The following TMEM178B variants were observed in gnomAD, a reference collection of about 807,000 sequenced individuals.
TMEM178B encodes transmembrane protein 178B.
TMEM178B carries 5 observed loss-of-function variants against 31.0 expected under a neutral mutation model. The ratio of observed to expected loss-of-function variants is 0.16; its 90% CI spans 0.08 to 0.34. The LOEUF (loss-of-function observed/expected upper bound fraction) is 0.34. Ranked by LOEUF, TMEM178B falls within the 10% of genes least tolerant of loss-of-function variation. The probability of loss-of-function intolerance (pLI) is 1.00; values close to 1 mark genes in which losing one functional copy is unlikely to be tolerated. For synonymous variants in TMEM178B, 164 were observed against 164.0 expected (o/e 1.00, Z 0.00); for missense variants, 275 against 400.3 (o/e 0.69, Z 2.67).
At chr7:141,209,463 G>A (rs187522160) in intron 1 of TMEM178B, among the ~76,000 whole-genome samples, 18 of 152,270 alleles carry the variant, frequency 1.2e-4, no homozygotes, top group Non-Finnish European at 1.8e-4. Context: ...TAATAAAAGC[G>A]GTTGGATTCT....
At chr7:141,391,439 C>T (rs994036704) in intron 2 of TMEM178B, among the ~76,000 whole-genome samples, 7 of 152,158 alleles carry the variant, frequency 4.6e-5, no homozygotes, top group Non-Finnish European at 2.9e-5. Context: ...GGATTACAGG[C>T]GTGAGCCACC....
chr7:141,228,514 C>T (rs1181674829), intron 2 of TMEM178B, among the ~76,000 whole-genome samples: 2 of 152,052 alleles, frequency 1.3e-5, no homozygotes, highest in Non-Finnish European at 1.5e-5. Context: ...GTGAATAATT[C>T]AACACCATCC....
At chr7:141,410,346 G>A (rs1181723) in intron 2 of TMEM178B, among the ~76,000 whole-genome samples, 30,446 of 152,034 alleles carry the variant, frequency 0.2, 3,125 homozygotes, top group Middle Eastern at 0.21. Context: ...TCAGGGCTCC[G>A]AGCTCTGCCT....
intron 2 of TMEM178B, among the ~76,000 whole-genome samples, chr7:141,217,385 G>C (rs66575411): frequency 0.14 from 21,145 of 152,226 alleles, 2,980 homozygotes; most frequent in African/African-American, 0.35. Flanking sequence ...GGCTATATCA[G>C]AGGAAGCTGA....
At chr7:141,480,636 A>AACTGTTGTTCTTTTTTTCCTATT (rs1802459697), downstream of TMEM178B, among the ~76,000 whole-genome samples, 1 of 152,252 alleles carries the variant, frequency 6.6e-6, no homozygotes, top group Non-Finnish European at 1.5e-5. Context: ...AAAAGAGGGA[A>AACTGTTGTTCTTTTTTTCCTATT]ACTGTTGTTC....
At chr7:141,281,712 G>T (rs983702349) in intron 2 of TMEM178B, among the ~76,000 whole-genome samples, 1 of 152,178 alleles carries the variant, frequency 6.6e-6, no homozygotes, top group Non-Finnish European at 1.5e-5. Context: ...AGTCTCCAAC[G>T]ATGGGTCAGA....
chr7:141,141,795 A>G (rs1795773017), intron 1 of TMEM178B, among the ~76,000 whole-genome samples: 1 of 152,238 alleles, frequency 6.6e-6, no homozygotes, highest in Non-Finnish European at 1.5e-5. Flanking sequence ...TGCATAAAGT[A>G]TTAAAGAAAA....
intron 1 of TMEM178B, among the ~76,000 whole-genome samples, chr7:141,162,004 A>G (rs184200338): frequency 7.8e-4 from 119 of 152,212 alleles, no homozygotes; most frequent in African/African-American, 2.7e-3. Context: ...AAAGGGAGGC[A>G]TCCTTCCCAG....
At chr7:141,280,759 G>T (rs540467203) in intron 2 of TMEM178B, among the ~76,000 whole-genome samples, 12 of 151,906 alleles carry the variant, frequency 7.9e-5, no homozygotes, top group Non-Finnish European at 1.3e-4. Flanking sequence ...CAGAGGTTCT[G>T]ATTCCACGGG....
At chr7:141,280,651 A>G (rs764716707) in intron 2 of TMEM178B, among the ~76,000 whole-genome samples, 3 of 152,224 alleles carry the variant, frequency 2.0e-5, no homozygotes, top group Non-Finnish European at 4.4e-5. Context: ...GGACTAATAC[A>G]GCACCACTAA....
intron 1 of TMEM178B, among the ~76,000 whole-genome samples, chr7:141,097,793 C>CTTTT (rs552569756): frequency 0.02 from 2,561 of 125,790 alleles, 79 homozygotes; most frequent in East Asian, 0.068. Context: ...TTCTTTCTTT[C>CTTTT]TTTTTTTTTT....
At chr7:141,251,282 G>A (rs529945090) in intron 2 of TMEM178B, among the ~76,000 whole-genome samples, 4 of 151,922 alleles carry the variant, frequency 2.6e-5, no homozygotes, top group South Asian at 2.1e-4. Flanking sequence ...AGAAGCACCC[G>A]CAGGAATCAG....
chr7:141,445,623 A>T (rs532347119), intron 3 of TMEM178B, among the ~76,000 whole-genome samples: 31 of 152,318 alleles, frequency 2.0e-4, no homozygotes, highest in African/African-American at 7.2e-4. Context: ...AAAGGACCAT[A>T]TAAGTTAGAT....
chr7:141,164,140 C>T (rs1311451310), intron 1 of TMEM178B, among the ~76,000 whole-genome samples: 1 of 152,114 alleles, frequency 6.6e-6, no homozygotes, highest in South Asian at 2.1e-4. Context: ...TGTACAACAC[C>T]CTTTTAATGA....
chr7:141,329,563 G>A (rs867253302), intron 2 of TMEM178B, among the ~76,000 whole-genome samples: 46 of 152,172 alleles, frequency 3.0e-4, no homozygotes, highest in African/African-American at 9.9e-4. Flanking sequence ...TTCAGGTAAA[G>A]TCATTTGTTC....
At chr7:141,116,565 G>A (rs955617041) in intron 1 of TMEM178B, among the ~76,000 whole-genome samples, 19 of 151,788 alleles carry the variant, frequency 1.3e-4, no homozygotes, top group Admixed American at 5.9e-4. Flanking sequence ...TGTGCAGAAC[G>A]TGAGGGTTTG....
At chr7:141,382,301 CT>C (rs1331607177) in intron 2 of TMEM178B, among the ~76,000 whole-genome samples, 3 of 152,196 alleles carry the variant, frequency 2.0e-5, no homozygotes, top group African/African-American at 7.2e-5. Context: ...CTCTCCACCT[CT>C]TGTGTGCCAG....
At chr7:141,239,121 C>T (rs1797575826) in intron 2 of TMEM178B, among the ~76,000 whole-genome samples, 1 of 152,158 alleles carries the variant, frequency 6.6e-6, no homozygotes, top group Non-Finnish European at 1.5e-5. Context: ...GGCCTGAATG[C>T]AAAGCAGATA....
intron 2 of TMEM178B, among the ~76,000 whole-genome samples, chr7:141,310,314 A>G (rs6944144): frequency 0.75 from 113,281 of 151,412 alleles, 43,103 homozygotes; most frequent in African/African-American, 0.89. Flanking sequence ...TGAGGCCAAC[A>G]AATATGAAAA....
Sources: gnomAD v4.1 joint callset for allele counts (sites outside exome capture counted in the v4.1 genomes callset) on GRCh38, gnomAD v4.1.1 for gene constraint, MANE v1.5 for transcripts, NCBI Gene and HGNC (gene_info 2026-07-23, HGNC 2026-07-21) for gene names.